DHODH: variants seen among roughly 807,000 people sequenced by gnomAD.
DHODH encodes the protein dihydroorotate dehydrogenase (quinone), mitochondrial.
Under a neutral mutation model 39.7 loss-of-function variants are expected in DHODH, and 30 were observed. That is an observed-to-expected ratio of 0.76 (90% confidence interval 0.57 to 1.02). The LOEUF is 1.02. Ranked by LOEUF, DHODH falls within the 50% of genes least tolerant of loss-of-function variation. The pLI, the probability that DHODH is intolerant of heterozygous loss-of-function variation, is 0.00. For missense variants in DHODH, 531 were observed against 520.8 expected (o/e 1.02, Z -0.19); for synonymous variants, 222 against 213.8 (o/e 1.04, Z -0.34).
intron 1 of DHODH, among the ~76,000 whole-genome samples, chr16:72,009,691 T>G (rs972379688): frequency 6.6e-6 from 1 of 151,556 alleles, no homozygotes; most frequent in East Asian, 2.0e-4. Flanking sequence ...CTTGGCTCAC[T>G]GCAACCTCCG....
rs773553190 is a variant in DHODH, at chr16:72,024,191, C to T, written c.1180C>T (p.Arg394Trp). Reference protein sequence around the residue: ...GVTDAIGADHRR With the variant: ...GVTDAIGADHWR ...CACAGATGCCATTGGAGCAGATCAT[C>T]GGAGGTGAGGACAGCGTCTGACGGG... Residue 394 changes from arginine (R) to tryptophan (W), a missense_variant, in exon 9 of 9, where the codon CGG becomes TGG. By Grantham distance (101) the Arg-to-Trp change is moderately radical (BLOSUM62 -3). Coordinates refer to ENST00000219240, the MANE Select transcript of DHODH (RefSeq NM_001361.5). The T allele has an allele frequency of 9.3e-6, 15 of 1,614,168 alleles. No individual in the cohort carries two copies. Among genetic ancestry groups the T allele is most frequent in the African/African-American group, 1.3e-5 (1 of 75,036 alleles).
Position 72,021,213 on chromosome 16 carries a change from C to T in DHODH, c.607C>T (p.Pro203Ser). 6.2e-7 allele frequency: 1 copy of T among 1,612,006 alleles called. No individual in the cohort carries two copies. Among genetic ancestry groups the T allele is most frequent in the South Asian group, 1.1e-5 (1 of 90,532 alleles). ...CGCAGAAGGGGTGCGCGTACTGGGC[C>T]CCCTGGCCGACTACCTGGTGGTGAA... ...DYAEGVRVLG[P>S]LADYLVVNVS... Residue 203 changes from proline to serine, a missense_variant, in exon 5 of 9, where the codon CCC (proline) becomes TCC (serine). By Grantham distance (74) the Pro-to-Ser change is moderately conservative. Transcript: ENST00000219240.
chr16:72,020,373 T>TATA (rs1273739362), intron 4 of DHODH: 134 of 88,264 alleles, frequency 1.5e-3, no homozygotes, highest in Non-Finnish European at 2.6e-3. Flanking sequence ...ATATATATAT[T>TATA]TTTTTTTTTT....
intron 3 of DHODH, 67 bp downstream of exon 3, chr16:72,014,739 G>T: frequency 6.8e-7 from 1 of 1,477,306 alleles, no homozygotes; most frequent in East Asian, 2.3e-5. Context: ...AGAGATATAA[G>T]ATCTGCCTCT....
intron 1 of DHODH, among the ~76,000 whole-genome samples, chr16:72,010,868 G>A (rs1361762530): frequency 1.3e-5 from 2 of 151,944 alleles, no homozygotes; most frequent in South Asian, 2.1e-4. Context: ...AGCTGAGACC[G>A]CAGGCGCACC....
rs772180035 is a variant in DHODH, at chr16:72,021,197, G to A, written c.591G>A (p.Gly197=). 3 of 1,610,992 alleles carry A rather than the reference G, an allele frequency of 1.9e-6. No individual in the cohort carries two copies. Among genetic ancestry groups the A allele is most frequent in the Admixed American group, 1.7e-5 (1 of 59,604 alleles). Residue 197 remains glycine, a synonymous_variant, in exon 5 of 9, where the codon GGG becomes GGA. Coordinates refer to ENST00000219240, the MANE Select transcript of DHODH (RefSeq NM_001361.5). ...SVDAAEDYAE[G]VRVLGPLADY... The stretch of plus-strand genomic sequence containing the variant: ...ACGCCGCGGAGGACTACGCAGAAGG[G>A]GTGCGCGTACTGGGCCCCCTGGCCG...
chr16:72,018,063 C>T (rs1462221835), intron 4 of DHODH, among the ~76,000 whole-genome samples: 3 of 152,062 alleles, frequency 2.0e-5, no homozygotes, highest in African/African-American at 4.8e-5. Context: ...CGTGAGCCAC[C>T]GCGCCTGGCC....
intron 3 of DHODH, chr16:72,016,352 A>T: frequency 6.4e-6 from 1 of 156,868 alleles, no homozygotes; most frequent in Non-Finnish European, 1.4e-5. Context: ...GTCAAAACCC[A>T]CAGTGGGGCT....
Position 72,026,029 on chromosome 16 carries a change from C to T in DHODH, c.*1830C>T, listed in dbSNP as rs933037233. On this transcript the variant is annotated 3_prime_UTR_variant, in exon 9 of 9. Transcript: ENST00000219240. Reference sequence around the variant, plus strand: ...GGCTGCTCTAAAAGCCGGCTCATTGCCTTCTGCTTCTCCGGATTCGTTCCT... The same window carrying T: ...GGCTGCTCTAAAAGCCGGCTCATTGTCTTCTGCTTCTCCGGATTCGTTCCT... The T allele has an allele frequency of 3.6e-4, 55 of 152,286 alleles. No homozygotes were observed. The highest frequency in any genetic ancestry group is 1.2e-3 in the African/African-American group (50 of 41,458). 9.4% of individuals were successfully genotyped at this position (152,286 alleles called of 1,614,324 possible).
chr16:72,020,407 T>A (rs1028978933), intron 4 of DHODH: 1 of 145,698 alleles, frequency 6.9e-6, no homozygotes, highest in African/African-American at 2.6e-5. Flanking sequence ...GACAGAGTCT[T>A]GCTCTGCTCC....
rs367912335 is a variant in DHODH at position 72,015,101 on chromosome 16, A to G, written c.434+429A>G. Reference sequence around the variant, plus strand: ...GACCACATTAACACAGTAAACAGAAATGAGTGAAGTTAATACTTACTTAAA... The same window carrying G: ...GACCACATTAACACAGTAAACAGAAGTGAGTGAAGTTAATACTTACTTAAA... On this transcript the variant is annotated intron_variant, in intron 3 of 8. Transcript: ENST00000219240. 5.9e-5 allele frequency among the ~76,000 whole-genome samples: 9 copies of G among 152,374 alleles called. No homozygotes were observed. The South Asian group carries it at 1.9e-3, about 32-fold the overall frequency.
At chr16:72,008,998 T>A (rs1479814270) in intron 1 of DHODH, 5 of 1,466,836 alleles carry the variant, frequency 3.4e-6, no homozygotes, top group Non-Finnish European at 4.5e-6. Context: ...CGCCTGCAGG[T>A]CTGGGTGGGT....
intron 5 of DHODH, 24 bp downstream of exon 5, chr16:72,021,335 G>C (rs563533148): frequency 6.3e-7 from 1 of 1,581,618 alleles, no homozygotes; most frequent in East Asian, 2.3e-5. Context: ...CCCCTCTCCA[G>C]GCCCTGTCCC....
chr16:72,023,666 G>A, intron 8 of DHODH, 33 bp downstream of exon 8: 1 of 1,611,416 alleles, frequency 6.2e-7, no homozygotes, highest in East Asian at 2.2e-5. Flanking sequence ...TGAAACAGAA[G>A]TTAGGCAGAG....
In DHODH at chr16:72,024,559, G is replaced by T. The variant is rs2041259516; in HGVS notation, c.*360G>T. ...CATAGGCCCTGCCAAGATACTGCAG[G>T]TCCATCCAGGCCTCTGCTATCTGCA... On this transcript the variant is annotated 3_prime_UTR_variant, in exon 9 of 9. Transcript: ENST00000219240. 2.8e-6 allele frequency: 1 copy of T among 357,912 alleles called. No homozygotes were observed. Among genetic ancestry groups the T allele is most frequent in the East Asian group, 6.4e-5 (1 of 15,594 alleles). 22.2% of individuals were successfully genotyped at this position (357,912 alleles called of 1,614,324 possible).
intron 1 of DHODH, among the ~76,000 whole-genome samples, chr16:72,011,358 G>A (rs190975095): frequency 6.6e-6 from 1 of 152,324 alleles, no homozygotes; most frequent in East Asian, 1.9e-4. Context: ...CCATGTAGAG[G>A]CTGGGCACGG....
In DHODH at chr16:72,014,548, G is replaced by A. The variant is rs1355171889; in HGVS notation, c.310G>A (p.Val104Met). The change falls in exon 3 of 9, where the codon GTG (valine) becomes ATG (methionine). Residue 104 changes from valine (V) to methionine (M), a missense_variant. Coordinates refer to ENST00000219240, the MANE Select transcript of DHODH (RefSeq NM_001361.5). ...AGGATTTGACAAGCATGGGGAAGCCGTGGACGGACTTTATAAGATGGGCTT... is the reference window on the plus strand; with the variant it reads ...AGGATTTGACAAGCATGGGGAAGCCATGGACGGACTTTATAAGATGGGCTT... ...AAGFDKHGEA[V>M]DGLYKMGFGF... 17 of 1,614,068 alleles carry A rather than the reference G, an allele frequency of 1.1e-5. No homozygotes were observed. Among genetic ancestry groups the A allele is most frequent in the South Asian group, 2.2e-5 (2 of 91,096 alleles).
At chr16:72,017,174 A>T in intron 4 of DHODH, 68 bp downstream of exon 4, 1 of 1,486,286 alleles carries the variant, frequency 6.7e-7, no homozygotes, top group Admixed American at 1.7e-5. Flanking sequence ...AATGCTGGGA[A>T]CATTTCTAGT....
At chr16:72,016,837 A>C (rs2041146668) in intron 3 of DHODH, 187 bp from the exon 4 acceptor site, 4 of 618,558 alleles carry the variant, frequency 6.5e-6, no homozygotes, top group Non-Finnish European at 8.9e-6. Context: ...TGCAAATTTT[A>C]ATCTTTCCCT....
Sources: allele counts gnomAD v4.1 joint callset (sites outside exome capture counted in the v4.1 genomes callset), GRCh38; gene constraint gnomAD v4.1.1; transcripts MANE v1.5; gene names NCBI Gene and HGNC (gene_info 2026-07-23, HGNC 2026-07-21).